The following DLGAP1 variants were observed in gnomAD, a reference collection of about 807,000 sequenced individuals.
DLGAP1 encodes the protein DLG associated protein 1.
In DLGAP1, 11 loss-of-function variants were observed where a neutral mutation model predicts 90.8. That is an observed-to-expected ratio of 0.12 (90% CI 0.08 to 0.20). DLGAP1 has a LOEUF of 0.20. DLGAP1 is among the 10% of genes least tolerant of loss of function. The pLI is 1.00. For missense variants in DLGAP1, 1,050 were observed against 1,333.8 expected (o/e 0.79, Z 3.31); for synonymous variants, 558 against 540.7 (o/e 1.03, Z -0.44).
At chr18:3,548,102 T>C (rs538315216) in intron 9 of DLGAP1, among the ~76,000 whole-genome samples, 3 of 152,322 alleles carry the variant, frequency 2.0e-5, no homozygotes, top group Admixed American at 6.5e-5. Flanking sequence ...GAGAAAGGAA[T>C]GCAGTGAGTA....
intron 3 of DLGAP1, among the ~76,000 whole-genome samples, chr18:3,969,647 C>T (rs373253129): frequency 1.1e-4 from 16 of 152,112 alleles, no homozygotes; most frequent in African/African-American, 3.9e-4. Flanking sequence ...AAAAAAAATC[C>T]TACCAAAGAA....
At chr18:3,836,621 G>A (rs1183071651) in intron 4 of DLGAP1, among the ~76,000 whole-genome samples, 6 of 152,124 alleles carry the variant, frequency 3.9e-5, no homozygotes, top group Non-Finnish European at 7.4e-5. Context: ...TCCATGTTGG[G>A]CTTGCCACCT....
At chr18:4,048,815 A>C (rs992287601) in intron 2 of DLGAP1, among the ~76,000 whole-genome samples, 1 of 152,256 alleles carries the variant, frequency 6.6e-6, no homozygotes, top group Admixed American at 6.5e-5. Context: ...CTCTAAGACA[A>C]CAATTTCTCA....
At chr18:3,547,186 A>T (rs1303575315) in intron 9 of DLGAP1, among the ~76,000 whole-genome samples, 1 of 151,542 alleles carries the variant, frequency 6.6e-6, no homozygotes, top group African/African-American at 2.4e-5. Context: ...CGGTAGTCCC[A>T]GCTACTCGGG....
intron 4 of DLGAP1, among the ~76,000 whole-genome samples, chr18:3,829,275 T>G (rs758353896): frequency 4.6e-5 from 7 of 152,236 alleles, no homozygotes; most frequent in Admixed American, 1.3e-4. Flanking sequence ...AAGTAACATA[T>G]GACATGCTAA....
intron 7 of DLGAP1, among the ~76,000 whole-genome samples, chr18:3,709,638 T>G (rs2061540794): frequency 2.0e-5 from 3 of 152,132 alleles, no homozygotes; most frequent in Non-Finnish European, 2.9e-5. Flanking sequence ...GTGCAGAAAT[T>G]GAAGATTTAG....
At chr18:4,192,228 A>T (rs1009594996) in intron 1 of DLGAP1, among the ~76,000 whole-genome samples, 1 of 152,108 alleles carries the variant, frequency 6.6e-6, no homozygotes, top group Non-Finnish European at 1.5e-5. Flanking sequence ...TAAATAAAAA[A>T]CACAAAACCA....
chr18:4,269,352 A>ATTTT (rs1354735064), intron 1 of DLGAP1, among the ~76,000 whole-genome samples: 8,482 of 130,872 alleles, frequency 0.065, 316 homozygotes, highest in East Asian at 0.091. Flanking sequence ...ATATATATAT[A>ATTTT]TATTTTTTTT....
At chr18:3,856,775 G>A (rs905010604) in intron 4 of DLGAP1, among the ~76,000 whole-genome samples, 3 of 151,872 alleles carry the variant, frequency 2.0e-5, no homozygotes, top group African/African-American at 7.3e-5. Context: ...GCAGGATAAT[G>A]GCGTGAACCT....
intron 1 of DLGAP1, among the ~76,000 whole-genome samples, chr18:4,344,507 G>C (rs1313939798): frequency 6.6e-6 from 1 of 152,154 alleles, no homozygotes; most frequent in African/African-American, 2.4e-5. Context: ...TAGTAGAAGA[G>C]TTTACAGATG....
intron 1 of DLGAP1, among the ~76,000 whole-genome samples, chr18:4,409,071 TA>T (rs1425002403): frequency 2.6e-5 from 4 of 152,022 alleles, no homozygotes; most frequent in African/African-American, 7.2e-5. Flanking sequence ...AAATAAATTA[TA>T]ATATTATGAT....
chr18:3,847,612 G>A (rs1472279180), intron 4 of DLGAP1, among the ~76,000 whole-genome samples: 1 of 152,088 alleles, frequency 6.6e-6, no homozygotes, highest in Non-Finnish European at 1.5e-5. Context: ...TTCAGGGGAA[G>A]GTAGGATCAC....
rs897865224 is a variant in DLGAP1, at chr18:3,729,030, T to C, written c.1591+105A>G. 7.5e-6 allele frequency: 11 copies of C among 1,471,104 alleles called. No individual in the cohort carries two copies. In the African/African-American group the frequency reaches 1.4e-4, roughly 19 times the overall value. The allele number at this position is 1,471,104 out of a possible 1,614,324, so 91.1% of individuals were successfully genotyped here. On this transcript the variant is annotated intron_variant, in intron 7 of 12. Coordinates refer to ENST00000315677, the MANE Select transcript of DLGAP1 (RefSeq NM_004746.4). This position sits in a 1 kb window ranked among gnomAD's most constrained non-coding sequence, Gnocchi z 6.2. ...TGGTTTGTAGGACATGGGTGGTATCTTGTTCCTGGCAACTATGTGTGTTGA... is the reference window on the plus strand; with the variant it reads ...TGGTTTGTAGGACATGGGTGGTATCCTGTTCCTGGCAACTATGTGTGTTGA...
At chr18:4,003,305 T>TC in intron 3 of DLGAP1, among the ~76,000 whole-genome samples, 1 of 152,256 alleles carries the variant, frequency 6.6e-6, no homozygotes, top group African/African-American at 2.4e-5. Flanking sequence ...CACCTGGACA[T>TC]CCTCAGGCAC....
At chr18:3,535,239 A>G (rs115028009) in intron 9 of DLGAP1, among the ~76,000 whole-genome samples, 1,888 of 152,146 alleles carry the variant, frequency 0.012, 36 homozygotes, top group African/African-American at 0.043. Flanking sequence ...GAGAAATTTT[A>G]TAGGTGGAAA....
intron 7 of DLGAP1, among the ~76,000 whole-genome samples, chr18:3,689,139 TGAA>T (rs1346756118): frequency 6.6e-6 from 1 of 152,236 alleles, no homozygotes; most frequent in Non-Finnish European, 1.5e-5. Context: ...AAATAATATT[TGAA>T]GAAGATTCTT....
chr18:3,724,162 C>T (rs1030534231), intron 7 of DLGAP1, among the ~76,000 whole-genome samples: 8 of 151,966 alleles, frequency 5.3e-5, no homozygotes, highest in Non-Finnish European at 1.2e-4. Flanking sequence ...TCGTCTCTAC[C>T]TCTACAAATT....
At chr18:4,237,143 T>C (rs530400466) in intron 1 of DLGAP1, among the ~76,000 whole-genome samples, 1 of 152,330 alleles carries the variant, frequency 6.6e-6, no homozygotes, top group East Asian at 1.9e-4. Context: ...GCCTTTCTGT[T>C]ACTAATCCTG....
chr18:4,344,758 A>G (rs2081271656), intron 1 of DLGAP1, among the ~76,000 whole-genome samples: 1 of 152,090 alleles, frequency 6.6e-6, no homozygotes, highest in African/African-American at 2.4e-5. Flanking sequence ...AGAGAAACCA[A>G]TCTGTCCTCA....
Sources: allele counts gnomAD v4.1 joint callset (sites outside exome capture counted in the v4.1 genomes callset), GRCh38; gene constraint gnomAD v4.1.1; non-coding constraint Gnocchi (gnomAD v3.1); transcripts MANE v1.5; gene names NCBI Gene and HGNC (gene_info 2026-07-23, HGNC 2026-07-21).